Variants in ZDHHC15 observed in about 807,000 individuals in gnomAD.
ZDHHC15 encodes the protein zDHHC palmitoyltransferase 15, also known as palmitoyltransferase ZDHHC15.
In ZDHHC15, 19 loss-of-function variants were observed where a neutral mutation model predicts 31.7. That is an observed-to-expected ratio of 0.60 (90% confidence interval 0.42 to 0.88). ZDHHC15 has a LOEUF of 0.88. Among genes scored for constraint, ZDHHC15 ranks in the 40% least tolerant of loss-of-function variants. The pLI, the probability that ZDHHC15 is intolerant of heterozygous loss-of-function variation, is 0.00. For missense variants in ZDHHC15, 209 were observed against 251.2 expected (o/e 0.83, Z 1.14); for synonymous variants, 103 against 90.0 (o/e 1.14, Z -0.82).
rs35704680 is a variant in ZDHHC15 at position 75,373,926 on chromosome X, G to GTTTTTTTTTTTTTTTTTTT, written c.*33-1000_*33-982dup. Among the ~76,000 whole-genome samples, 11 of 50,455 alleles carry GTTTTTTTTTTTTTTTTTTT rather than the reference G, an allele frequency of 2.2e-4. 1 individual carries two copies. The highest frequency in any genetic ancestry group is 3.8e-3 in the South Asian group (2 of 524). The allele number at this position is 50,455 out of a possible 115,157, so 43.8% of individuals were successfully genotyped here. On this transcript the variant is annotated intron_variant, in intron 11 of 11. Transcript: ENST00000373367. ...ATACTAGGTCTTATTCATTCTTTCT[G>GTTTTTTTTTTTTTTTTTTT]TTTTTTTTTTTTTTTTTTTTTTGTA...
chrX:75,459,002 AAAAAAAAAAC>A (rs1374361273), intron 3 of ZDHHC15, among the ~76,000 whole-genome samples: 75 of 95,939 alleles, frequency 7.8e-4, no homozygotes, highest in Middle Eastern at 5.7e-3. Flanking sequence ...AAAAAAAAAA[AAAAAAAAAAC>A]AACCCCCAGC....
chrX:75,472,899 C>A (rs776824722), intron 3 of ZDHHC15, among the ~76,000 whole-genome samples: 1 of 112,153 alleles, frequency 8.9e-6, no homozygotes, highest in Admixed American at 9.4e-5. Flanking sequence ...GGTGATCAGC[C>A]AGCTACCTGG....
chrX:75,384,957 G>A (rs767565555), intron 10 of ZDHHC15: 2 of 424,227 alleles, frequency 4.7e-6, no homozygotes, highest in South Asian at 7.2e-5. Context: ...AAATACATAA[G>A]GGCAATTTGG....
intron 2 of ZDHHC15, among the ~76,000 whole-genome samples, chrX:75,495,844 A>G (rs1443609335): frequency 9.3e-6 from 1 of 107,064 alleles, no homozygotes; most frequent in Non-Finnish European, 1.9e-5. Context: ...TAATGATTTA[A>G]TGGGTGCAGC....
At chrX:75,452,606 G>A (rs149470001) in intron 3 of ZDHHC15, among the ~76,000 whole-genome samples, 1,671 of 111,213 alleles carry the variant, frequency 0.015, 28 homozygotes, top group African/African-American at 0.051. Context: ...GCACCACATC[G>A]CACTTATTCC....
At chrX:75,491,050 T>C (rs955588210) in intron 2 of ZDHHC15, among the ~76,000 whole-genome samples, 2 of 111,702 alleles carry the variant, frequency 1.8e-5, no homozygotes, top group East Asian at 2.8e-4. Context: ...AGTTCAACCA[T>C]TGTGGAAGCC....
intron 11 of ZDHHC15, among the ~76,000 whole-genome samples, chrX:75,376,801 T>TTGTC (rs1305392414): frequency 2.7e-5 from 3 of 112,032 alleles, no homozygotes; most frequent in Non-Finnish European, 5.6e-5. Context: ...TTTTTCAAGT[T>TTGTC]TGTCTTTTCA....
At chrX:75,476,986 T>A (rs1162619093) in intron 3 of ZDHHC15, among the ~76,000 whole-genome samples, 1 of 111,376 alleles carries the variant, frequency 9.0e-6, no homozygotes, top group Non-Finnish European at 1.9e-5. Context: ...TTTTGAAATT[T>A]TTATCCTTTT....
intron 2 of ZDHHC15, among the ~76,000 whole-genome samples, chrX:75,481,412 G>A (rs1374566645): frequency 9.0e-6 from 1 of 111,498 alleles, no homozygotes; most frequent in African/African-American, 3.3e-5. Flanking sequence ...GGAAGTGTGG[G>A]ACTTTAACTT....
At chrX:75,519,980 G>T (rs2085420559) in intron 1 of ZDHHC15, among the ~76,000 whole-genome samples, 1 of 112,051 alleles carries the variant, frequency 8.9e-6, no homozygotes, top group Admixed American at 9.5e-5. Context: ...CATCTGGCTT[G>T]TATGTCACAA....
intron 9 of ZDHHC15, among the ~76,000 whole-genome samples, chrX:75,421,401 A>AT: frequency 7.6e-5 from 1 of 13,172 alleles, no homozygotes; most frequent in South Asian, 2.5e-3. Context: ...TATATATATT[A>AT]TATATATATA....
intron 10 of ZDHHC15, among the ~76,000 whole-genome samples, chrX:75,407,160 G>A (rs991018015): frequency 3.9e-4 from 43 of 110,736 alleles, no homozygotes; most frequent in Non-Finnish European, 7.2e-4. Context: ...TGAGATGTGG[G>A]GAGTGCCTCT....
chrX:75,488,468 G>C (rs1168520320), intron 2 of ZDHHC15, among the ~76,000 whole-genome samples: 1 of 112,270 alleles, frequency 8.9e-6, no homozygotes, highest in Non-Finnish European at 1.9e-5. Flanking sequence ...AAAAACAAAT[G>C]CTGAGAGAAT....
At chrX:75,447,573 G>A (rs1318538424) in intron 4 of ZDHHC15, among the ~76,000 whole-genome samples, 4 of 111,594 alleles carry the variant, frequency 3.6e-5, no homozygotes, top group East Asian at 2.9e-4. Context: ...GCTGGGGCAA[G>A]ATTTTCCCAA....
chrX:75,463,839 A>T lies in ZDHHC15; in HGVS notation c.259-12917T>A, dbSNP rs770633322. Reference sequence around the variant, plus strand: ...GGAAAAATTTTACACTGATGGTGGGACTGTAAACTAGTTCAACCATTATGG... The same window carrying T: ...GGAAAAATTTTACACTGATGGTGGGTCTGTAAACTAGTTCAACCATTATGG... On this transcript the variant is annotated intron_variant, in intron 3 of 11. Transcript: ENST00000373367. Among the ~76,000 whole-genome samples the T allele has an allele frequency of 2.7e-5, 3 of 112,159 alleles. No homozygotes were observed. In the East Asian group the frequency reaches 8.5e-4, roughly 32 times the overall value.
chrX:75,489,181 C>T (rs1207175123), intron 2 of ZDHHC15, among the ~76,000 whole-genome samples: 1 of 111,981 alleles, frequency 8.9e-6, no homozygotes, highest in Non-Finnish European at 1.9e-5. Context: ...CACAGACAAA[C>T]AAAAGGCAGC....
At chrX:75,441,090 C>T (rs2083933606) in intron 4 of ZDHHC15, among the ~76,000 whole-genome samples, 1 of 112,070 alleles carries the variant, frequency 8.9e-6, no homozygotes, top group African/African-American at 3.2e-5. Flanking sequence ...TGCCTTGCTA[C>T]AAGCATCCCC....
At chrX:75,489,651 C>G (rs779586968) in intron 2 of ZDHHC15, among the ~76,000 whole-genome samples, 2 of 111,921 alleles carry the variant, frequency 1.8e-5, no homozygotes, top group African/African-American at 6.5e-5. Context: ...AAAAACAGAG[C>G]AGAAAAACTG....
chrX:75,417,275 G>T (rs1235202151), intron 9 of ZDHHC15, 85 bp from the exon 10 acceptor site: 5 of 619,238 alleles, frequency 8.1e-6, no homozygotes, highest in Non-Finnish European at 1.3e-5. Context: ...CAAGAGGGGG[G>T]TTCTTAGCCA....
Sources: gnomAD v4.1 joint callset for allele counts (sites outside exome capture counted in the v4.1 genomes callset) on GRCh38, gnomAD v4.1.1 for gene constraint, MANE v1.5 for transcripts, NCBI Gene and HGNC (gene_info 2026-07-23, HGNC 2026-07-21) for gene names.